The following UTRN variants were observed in gnomAD, a reference collection of about 807,000 sequenced individuals.
UTRN encodes the protein utrophin, also known as dystrophin-related protein 1.
UTRN carries 283 observed loss-of-function variants against 463.9 expected under a neutral mutation model. The ratio of observed to expected loss-of-function variants is 0.61; its 90% CI spans 0.55 to 0.67. The LOEUF (loss-of-function observed/expected upper bound fraction) is 0.67. Ranked by LOEUF, UTRN falls within the 30% of genes least tolerant of loss-of-function variation. The probability of loss-of-function intolerance (pLI) is 0.00; values close to 1 mark genes in which losing one functional copy is unlikely to be tolerated. For missense variants in UTRN, 3,922 were observed against 4,084.3 expected, an observed-to-expected ratio of 0.96 and a Z score of 1.08; for synonymous variants, 1,442 against 1,431.5, an observed-to-expected ratio of 1.01 and a Z score of -0.17.
At chr6:144,384,128 A>G (rs1171760699) in intron 2 of UTRN, among the ~76,000 whole-genome samples, 2 of 152,202 alleles carry the variant, frequency 1.3e-5, no homozygotes, top group Non-Finnish European at 2.9e-5. Context: ...ATCTTGTTAT[A>G]TAACCATCAC....
chr6:144,493,798 G>A (rs1278557515), intron 33 of UTRN, among the ~76,000 whole-genome samples: 1 of 151,928 alleles, frequency 6.6e-6, no homozygotes, highest in African/African-American at 2.4e-5. Context: ...ATGAAACCTT[G>A]TCTCTACAAA....
intron 2 of UTRN, among the ~76,000 whole-genome samples, chr6:144,295,856 A>C (rs1448156600): frequency 1.3e-5 from 2 of 152,124 alleles, no homozygotes; most frequent in Admixed American, 6.6e-5. Flanking sequence ...GTGGCACTGG[A>C]CTTCTTTCTA....
chr6:144,572,379 G>GTTT (rs544799331), intron 50 of UTRN, among the ~76,000 whole-genome samples: 1 of 151,878 alleles, frequency 6.6e-6, no homozygotes, highest in Admixed American at 6.6e-5. Flanking sequence ...ATTATTTTTA[G>GTTT]TTTTTTTAAA....
chr6:144,351,209 C>T (rs996530934), intron 2 of UTRN, among the ~76,000 whole-genome samples: 5 of 152,102 alleles, frequency 3.3e-5, no homozygotes, highest in Admixed American at 2.0e-4. Flanking sequence ...CATAACTTGA[C>T]AGATTGCAAG....
chr6:144,688,495 CTATT>C (rs1249564286), intron 52 of UTRN, among the ~76,000 whole-genome samples: 1 of 152,240 alleles, frequency 6.6e-6, no homozygotes, highest in South Asian at 2.1e-4. Flanking sequence ...TTGCAGAAAA[CTATT>C]TATTCTAATT....
At chr6:144,664,773 C>A (rs537445213) in intron 51 of UTRN, among the ~76,000 whole-genome samples, 1 of 151,626 alleles carries the variant, frequency 6.6e-6, no homozygotes, top group South Asian at 2.1e-4. Flanking sequence ...TAATTAATGA[C>A]AATTACTATC....
chr6:144,630,416 G>C (rs370226567), intron 51 of UTRN, among the ~76,000 whole-genome samples: 4 of 152,200 alleles, frequency 2.6e-5, no homozygotes, highest in African/African-American at 9.7e-5. Context: ...GGCTGGGGAG[G>C]CCTCACAATC....
At chr6:144,805,036 A>G (rs563421239) in intron 65 of UTRN, among the ~76,000 whole-genome samples, 52 of 152,188 alleles carry the variant, frequency 3.4e-4, no homozygotes, top group African/African-American at 1.3e-3. Context: ...AATTATGTTC[A>G]TGTTTGTTTA....
chr6:144,767,820 C>G (rs749609166), intron 58 of UTRN, among the ~76,000 whole-genome samples: 132 of 152,160 alleles, frequency 8.7e-4, no homozygotes, highest in Admixed American at 2.4e-3. Flanking sequence ...TGTATTTTTA[C>G]TTATCTTTAG....
intron 4 of UTRN, among the ~76,000 whole-genome samples, 194 bp downstream of exon 4, chr6:144,422,164 C>T (rs942346871): frequency 1.3e-5 from 2 of 152,124 alleles, no homozygotes; most frequent in African/African-American, 4.8e-5. Flanking sequence ...CTTCTGAGGG[C>T]TCTGTTTTTA....
At position 144,782,113 on chromosome 6, in the gene UTRN, G is replaced by C. The variant is rs373313190; in HGVS notation, c.8824G>C (p.Val2942Leu). ...VDMCLNWLLN[V>L]YDTGRTGKIR... ...TATGTGTCTCAATTGGTTGCTCAAT[G>C]TCTATGACACGTAAGTTTATATTTT... is the stretch of plus-strand genomic sequence containing the variant. The change falls in exon 61 of 75, where the codon GTC becomes CTC. Residue 2942 changes from valine to leucine, a missense_variant. Around this residue, in one of 3 missense-constraint regions of UTRN, gnomAD observed 1,309 missense variants for 1,452.6 expected, o/e 0.90. Transcript: ENST00000367545. 4 of 1,597,994 alleles carry C rather than the reference G, an allele frequency of 2.5e-6. No individual in the cohort carries two copies. Among genetic ancestry groups the C allele is most frequent in the Non-Finnish European group, 2.6e-6 (3 of 1,168,746 alleles).
At chr6:144,361,221 AC>A (rs1368665961) in intron 2 of UTRN, among the ~76,000 whole-genome samples, 1 of 152,198 alleles carries the variant, frequency 6.6e-6, no homozygotes, top group Non-Finnish European at 1.5e-5. Context: ...CACTTTCTTT[AC>A]ACCATAGTTT....
intron 52 of UTRN, among the ~76,000 whole-genome samples, chr6:144,680,816 TA>T (rs1782123425): frequency 1.3e-5 from 2 of 152,178 alleles, no homozygotes; most frequent in Non-Finnish European, 2.9e-5. Flanking sequence ...GGGCTTGAAA[TA>T]ACACTGTGTT....
chr6:144,656,180 T>C (rs1779290931), intron 51 of UTRN, among the ~76,000 whole-genome samples: 2 of 152,224 alleles, frequency 1.3e-5, no homozygotes, highest in Admixed American at 1.3e-4. Flanking sequence ...TAGTGAACAA[T>C]TTATTTGCAC....
chr6:144,596,161 G>A (rs921249690), intron 51 of UTRN, among the ~76,000 whole-genome samples: 1 of 152,152 alleles, frequency 6.6e-6, no homozygotes, highest in Non-Finnish European at 1.5e-5. Flanking sequence ...TACCTCATTA[G>A]ACAACTTAAT....
intron 57 of UTRN, among the ~76,000 whole-genome samples, chr6:144,757,695 A>C (rs1792164528): frequency 6.6e-6 from 1 of 152,114 alleles, no homozygotes; most frequent in Non-Finnish European, 1.5e-5. Flanking sequence ...TATTTTTATC[A>C]ACAGGTTAGA....
At chr6:144,784,008 C>T (rs1776087097) in intron 61 of UTRN, among the ~76,000 whole-genome samples, 1 of 152,154 alleles carries the variant, frequency 6.6e-6, no homozygotes, top group Non-Finnish European at 1.5e-5. Flanking sequence ...AATTTGAATC[C>T]TCAGAAGATG....
intron 2 of UTRN, among the ~76,000 whole-genome samples, chr6:144,373,522 AG>A (rs1406113002): frequency 2.0e-5 from 3 of 152,236 alleles, no homozygotes; most frequent in Non-Finnish European, 2.9e-5. Context: ...AGAGGCTGGC[AG>A]GGAATGGGGG....
rs1409236959 is a variant in UTRN, at chr6:144,346,909, CT to C, written c.79+55003del. Among the ~76,000 whole-genome samples, 637 of 146,058 alleles carry C rather than the reference CT, an allele frequency of 4.4e-3. 3 individuals carry two copies. Among genetic ancestry groups the C allele is most frequent in the African/African-American group, 0.015 (580 of 38,262 alleles). On this transcript the variant is annotated intron_variant, in intron 2 of 74. Transcript: ENST00000367545. Reference sequence around the variant, plus strand: ...ATCTATCTATCTATCTATCTATCATCTATCTATCTATCGATCTCTATCTTTA... The same window carrying C: ...ATCTATCTATCTATCTATCTATCATCATCTATCTATCGATCTCTATCTTTA...
Sources: gnomAD v4.1 joint callset for allele counts (sites outside exome capture counted in the v4.1 genomes callset) on GRCh38, gnomAD v4.1.1 for gene constraint, gnomAD v4.1.1 regional missense constraint, MANE v1.5 for transcripts, NCBI Gene and HGNC (gene_info 2026-07-23, HGNC 2026-07-21) for gene names.